The following KIAA0586 variants were observed in gnomAD, a reference collection of about 807,000 sequenced individuals.
The protein encoded by KIAA0586 is protein TALPID3.
In KIAA0586, 144 loss-of-function variants were observed where a neutral mutation model predicts 169.8. That is an observed-to-expected ratio of 0.85 (90% CI 0.74 to 0.97). KIAA0586 has a LOEUF of 0.97. Ranked by LOEUF, KIAA0586 falls within the 50% of genes least tolerant of loss-of-function variation. The probability of loss-of-function intolerance (pLI) is 0.00; values close to 1 mark genes in which losing one functional copy is unlikely to be tolerated. For missense variants in KIAA0586, 1,854 were observed against 1,823.0 expected (o/e 1.02, Z -0.31); for synonymous variants, 625 against 612.4 (o/e 1.02, Z -0.30).
intron 8 of KIAA0586, among the ~76,000 whole-genome samples, chr14:58,450,983 CTTTTT>C (rs10712126): frequency 1.2e-5 from 1 of 85,392 alleles, no homozygotes; most frequent in Non-Finnish European, 2.3e-5. Flanking sequence ...GTTTTGTTAA[CTTTTT>C]TTTTTTTTTT....
intron 24 of KIAA0586, among the ~76,000 whole-genome samples, chr14:58,489,132 T>A (rs954822990): frequency 6.6e-6 from 1 of 152,118 alleles, no homozygotes; most frequent in African/African-American, 2.4e-5. Context: ...TTTTTGTCTA[T>A]GCATATATAG....
chr14:58,546,891 C>T (rs2047017393), intron 30 of KIAA0586, among the ~76,000 whole-genome samples: 1 of 152,074 alleles, frequency 6.6e-6, no homozygotes, highest in South Asian at 2.1e-4. Context: ...AGAGAAAAGT[C>T]TATTTTACAG....
intron 29 of KIAA0586, among the ~76,000 whole-genome samples, chr14:58,532,195 AG>A (rs1238865045): frequency 1.3e-5 from 2 of 152,084 alleles, no homozygotes. Context: ...GAAAAAAAAA[AG>A]GAAAAAAAAA....
the KIAA0586 span, among the ~76,000 whole-genome samples, chr14:58,557,506 G>A: frequency 6.6e-6 from 1 of 152,204 alleles, no homozygotes; most frequent in African/African-American, 2.4e-5. Context: ...TGCTGCTGGA[G>A]CTCTGACCAC....
At chr14:58,456,901 G>A (rs1016394207) in intron 10 of KIAA0586, 91 bp downstream of exon 10, 2 of 733,786 alleles carry the variant, frequency 2.7e-6, no homozygotes, top group Non-Finnish European at 4.6e-6. Context: ...TTAGGAGGAA[G>A]GATGAAGAAA....
At chr14:58,538,975 T>C (rs2046472596) in intron 29 of KIAA0586, among the ~76,000 whole-genome samples, 1 of 152,178 alleles carries the variant, frequency 6.6e-6, no homozygotes, top group Admixed American at 6.5e-5. Flanking sequence ...AGACTAGGTC[T>C]AGCCATTTTG....
chr14:58,507,406 AATAT>A (rs758057081), intron 27 of KIAA0586, among the ~76,000 whole-genome samples: 18 of 147,922 alleles, frequency 1.2e-4, no homozygotes, highest in African/African-American at 4.4e-4. Flanking sequence ...ATAAATTTTA[AATAT>A]ATATATTTAA....
In KIAA0586 at chr14:58,492,276, G is replaced by C; in HGVS notation, c.3990+1G>C. 1 of 1,537,898 alleles carries C rather than the reference G, an allele frequency of 6.5e-7. No homozygotes were observed. The highest frequency in any genetic ancestry group is 8.7e-7 in the Non-Finnish European group (1 of 1,143,392). ...CCAGCAAGCAGTCTATCATTCAGAGGTACTTTTTAACTTTAATGACTTTTT... is the reference window on the plus strand; with the variant it reads ...CCAGCAAGCAGTCTATCATTCAGAGCTACTTTTTAACTTTAATGACTTTTT... On this transcript the variant is annotated splice_donor_variant, in intron 26 of 30. Transcript: ENST00000652326. LOFTEE classifies it high-confidence loss of function.
At chr14:58,468,607 G>T (rs760140077) in intron 16 of KIAA0586, among the ~76,000 whole-genome samples, 2 of 152,206 alleles carry the variant, frequency 1.3e-5, no homozygotes, top group Non-Finnish European at 2.9e-5. Context: ...CATGTGGGAA[G>T]AAACCCTTTG....
At chr14:58,446,845 A>G (rs1488325391) in intron 6 of KIAA0586, among the ~76,000 whole-genome samples, 1 of 152,168 alleles carries the variant, frequency 6.6e-6, no homozygotes, top group Non-Finnish European at 1.5e-5. Flanking sequence ...GAATGAGTCT[A>G]TAAACTATTA....
chr14:58,553,837 A>G (rs1267975457), downstream of KIAA0586, among the ~76,000 whole-genome samples: 1 of 152,180 alleles, frequency 6.6e-6, no homozygotes, highest in Non-Finnish European at 1.5e-5. Context: ...TTTCTGTAGG[A>G]CAAACCACCC....
At chr14:58,536,683 G>A (rs1445540770) in intron 29 of KIAA0586, among the ~76,000 whole-genome samples, 2 of 152,174 alleles carry the variant, frequency 1.3e-5, no homozygotes, top group East Asian at 3.8e-4. Context: ...TGCAATCCCA[G>A]TACTCCCTGT....
chr14:58,477,054 G>A, intron 19 of KIAA0586, 69 bp from the exon 20 acceptor site: 1 of 817,996 alleles, frequency 1.2e-6, no homozygotes, highest in African/African-American at 1.7e-5. Flanking sequence ...GGGGTGGTAT[G>A]TCTAACATTT....
At chr14:58,514,877 G>T (rs2044641478) in intron 29 of KIAA0586, among the ~76,000 whole-genome samples, 1 of 151,770 alleles carries the variant, frequency 6.6e-6, no homozygotes, top group African/African-American at 2.4e-5. Context: ...TTCCCCCTTT[G>T]CTGTACAAGT....
intron 27 of KIAA0586, among the ~76,000 whole-genome samples, chr14:58,500,738 A>G (rs866456208): frequency 6.6e-6 from 1 of 151,720 alleles, no homozygotes; most frequent in South Asian, 2.1e-4. Context: ...AAAAAAAAGA[A>G]AAGAAACACT....
At chr14:58,539,519 C>T (rs970642008) in intron 29 of KIAA0586, among the ~76,000 whole-genome samples, 3 of 152,046 alleles carry the variant, frequency 2.0e-5, no homozygotes, top group Non-Finnish European at 2.9e-5. Flanking sequence ...GTTAACTTTC[C>T]GATTCTCTGG....
intron 3 of KIAA0586, 64 bp from the exon 4 acceptor site, chr14:58,432,323 TA>T: frequency 1.0e-6 from 1 of 956,430 alleles, no homozygotes; most frequent in Non-Finnish European, 1.6e-6. Flanking sequence ...ATTTTTTTAG[TA>T]GCTTATTAAA....
At chr14:58,435,254 A>G (rs1462037010) in intron 4 of KIAA0586, among the ~76,000 whole-genome samples, 1 of 152,262 alleles carries the variant, frequency 6.6e-6, no homozygotes, top group Admixed American at 6.5e-5. Context: ...ATACATTTAT[A>G]TCATTTGATC....
At chr14:58,536,499 G>A (rs1449304785) in intron 29 of KIAA0586, among the ~76,000 whole-genome samples, 1 of 152,102 alleles carries the variant, frequency 6.6e-6, no homozygotes, top group Non-Finnish European at 1.5e-5. Flanking sequence ...TTATGGCTGT[G>A]TAGTATTCCT....
Sources: gnomAD v4.1 joint callset for allele counts (sites outside exome capture counted in the v4.1 genomes callset) on GRCh38, gnomAD v4.1.1 for gene constraint, MANE v1.5 for transcripts, NCBI Gene and HGNC (gene_info 2026-07-23, HGNC 2026-07-21) for gene names.